KCNH5: variants seen among roughly 807,000 people sequenced by gnomAD.
KCNH5 encodes the protein voltage-gated delayed rectifier potassium channel KCNH5.
KCNH5 carries 46 observed loss-of-function variants against 96.1 expected under a neutral mutation model. That is an observed-to-expected ratio of 0.48 (90% confidence interval 0.38 to 0.61). The LOEUF is 0.61. Among genes scored for constraint, KCNH5 ranks in the 20% least tolerant of loss-of-function variants. The probability of loss-of-function intolerance (pLI) is 0.00; values close to 1 mark genes in which losing one functional copy is unlikely to be tolerated. For synonymous variants in KCNH5, 439 were observed against 449.8 expected (o/e 0.98, Z 0.30); for missense variants, 907 against 1,225.8 (o/e 0.74, Z 3.88).
rs1213484157 is a variant in KCNH5, at chr14:62,799,726, T to TATATATACAC, written c.1822+2602_1822+2603insGTGTATATAT. Among the ~76,000 whole-genome samples, 360 of 68,572 alleles carry TATATATACAC rather than the reference T, an allele frequency of 5.2e-3. 2 individuals are homozygous for TATATATACAC. Among genetic ancestry groups the TATATATACAC allele is most frequent in the East Asian group, 0.018 (43 of 2,388 alleles). The allele number at this position is 68,572 out of a possible 152,430, so 45.0% of individuals were successfully genotyped here. A position where few individuals can be genotyped will look rare whatever the true frequency, so the allele number is the denominator to read the frequency against. Reference sequence around the variant, plus strand: ...ATATATATATATATATATATATATATACACACACACACACACACATATCAG... The same window carrying TATATATACAC: ...ATATATATATATATATATATATATATATATATACACACACACACACACACACACATATCAG... On this transcript the variant is annotated intron_variant, in intron 9 of 10. Transcript: ENST00000322893.
chr14:62,731,118 T>A (rs752323931), intron 10 of KCNH5, among the ~76,000 whole-genome samples: 1 of 151,954 alleles, frequency 6.6e-6, no homozygotes, highest in Non-Finnish European at 1.5e-5. Context: ...CTGGCCAATA[T>A]GGTGAAACCC....
intron 7 of KCNH5, among the ~76,000 whole-genome samples, chr14:62,880,451 C>T (rs1420512647): frequency 6.6e-6 from 1 of 151,972 alleles, no homozygotes; most frequent in Non-Finnish European, 1.5e-5. Flanking sequence ...GAGTAAAAAC[C>T]AGGAATTGAT....
intron 6 of KCNH5, among the ~76,000 whole-genome samples, chr14:62,956,115 C>A (rs1890098998): frequency 1.3e-5 from 2 of 152,162 alleles, no homozygotes; most frequent in African/African-American, 2.4e-5. Context: ...CTTGAACAGG[C>A]CTCCAATGCC....
At chr14:62,964,488 C>T (rs773288430) in intron 6 of KCNH5, among the ~76,000 whole-genome samples, 5 of 152,096 alleles carry the variant, frequency 3.3e-5, no homozygotes, top group African/African-American at 4.8e-5. Context: ...CACACACACA[C>T]ACACAATTTA....
chr14:63,022,872 C>T (rs572217467), intron 1 of KCNH5, among the ~76,000 whole-genome samples: 20 of 152,164 alleles, frequency 1.3e-4, no homozygotes, highest in African/African-American at 4.3e-4. Context: ...CACAGCCATT[C>T]ACAAGTGCAG....
intron 10 of KCNH5, among the ~76,000 whole-genome samples, chr14:62,710,455 A>C (rs1209594930): frequency 2.0e-5 from 3 of 152,236 alleles, no homozygotes; most frequent in Admixed American, 6.5e-5. Context: ...GGTTGTACTA[A>C]GTCTTCAAGA....
intron 8 of KCNH5, among the ~76,000 whole-genome samples, chr14:62,828,573 A>C (rs1354799967): frequency 6.6e-6 from 1 of 152,142 alleles, no homozygotes; most frequent in East Asian, 1.9e-4. Context: ...ACTGCCAAAC[A>C]CTTTTAAACC....
rs1204494580 is a variant in KCNH5, at chr14:62,779,861, T to A, written c.1886A>T (p.Asn629Ile). ...GTCACAGTACGTCAGTGCCCGGACG[T>A]TCGCACATGCATGGGCAAGGGTGGT... ...KETTLAHACANVRALTYCDLH... is the reference protein window; with the variant it reads ...KETTLAHACAIVRALTYCDLH... Residue 629 changes from asparagine to isoleucine, a missense_variant, in exon 10 of 11, where the codon AAC (asparagine) becomes ATC (isoleucine). Physicochemically the swap from Asn to Ile is moderately radical, Grantham distance 149. Coordinates refer to ENST00000322893, the MANE Select transcript of KCNH5 (RefSeq NM_139318.5). 2 of 1,613,420 alleles carry A rather than the reference T, an allele frequency of 1.2e-6. No individual in the cohort carries two copies. Among genetic ancestry groups the A allele is most frequent in the African/African-American group, 2.7e-5 (2 of 74,810 alleles).
chr14:62,817,687 GGAATATATTCTATATAATAATATATATTC>G, intron 8 of KCNH5, among the ~76,000 whole-genome samples: 1 of 146,440 alleles, frequency 6.8e-6, no homozygotes, highest in African/African-American at 2.5e-5. Context: ...GAAAATTCTA[GGAATATATTCTATATAATAATATATATTC>G]TAGGAATATA....
At chr14:62,893,908 T>C (rs1387690707) in intron 7 of KCNH5, among the ~76,000 whole-genome samples, 1 of 152,230 alleles carries the variant, frequency 6.6e-6, no homozygotes, top group Non-Finnish European at 1.5e-5. Context: ...CGTTTTATTT[T>C]ATTTTAAGAA....
At chr14:62,958,661 C>T (rs928457303) in intron 6 of KCNH5, among the ~76,000 whole-genome samples, 2 of 152,140 alleles carry the variant, frequency 1.3e-5, no homozygotes, top group African/African-American at 4.8e-5. Context: ...ATTTCAATAA[C>T]ATCAACACCC....
intron 6 of KCNH5, among the ~76,000 whole-genome samples, chr14:62,979,031 G>A (rs1890556302): frequency 6.6e-6 from 1 of 151,982 alleles, no homozygotes; most frequent in Non-Finnish European, 1.5e-5. Context: ...CTGAAGTTTT[G>A]TATTCTTCCA....
intron 10 of KCNH5, among the ~76,000 whole-genome samples, chr14:62,731,773 A>C (rs1365622520): frequency 6.6e-6 from 1 of 152,206 alleles, no homozygotes; most frequent in Non-Finnish European, 1.5e-5. Flanking sequence ...AAATGATCTC[A>C]GCTGTTTAAA....
At chr14:62,872,298 T>C (rs1888273054) in intron 7 of KCNH5, among the ~76,000 whole-genome samples, 1 of 152,226 alleles carries the variant, frequency 6.6e-6, no homozygotes. Context: ...TGATACCTAA[T>C]TCAACATTTT....
intron 7 of KCNH5, among the ~76,000 whole-genome samples, chr14:62,855,768 A>G (rs1218761595): frequency 6.6e-6 from 1 of 152,242 alleles, no homozygotes; most frequent in African/African-American, 2.4e-5. Flanking sequence ...ACATGAAAGA[A>G]TACACAATGT....
chr14:62,943,558 A>C (rs1227210487), intron 7 of KCNH5, among the ~76,000 whole-genome samples: 2 of 152,212 alleles, frequency 1.3e-5, no homozygotes, highest in Admixed American at 6.6e-5. Context: ...GATTACTTAC[A>C]TCTTGATCTA....
intron 1 of KCNH5, among the ~76,000 whole-genome samples, chr14:63,028,916 C>T (rs5010674): frequency 0.24 from 36,082 of 151,928 alleles, 5,494 homozygotes; most frequent in East Asian, 0.51. Flanking sequence ...ACTCAAAGAG[C>T]GTTTTTCAAA....
chr14:62,765,367 T>A (rs1454112412), intron 10 of KCNH5, among the ~76,000 whole-genome samples: 1 of 152,108 alleles, frequency 6.6e-6, no homozygotes, highest in African/African-American at 2.4e-5. Flanking sequence ...TGTGCAAAAA[T>A]CAACTCAGGC....
chr14:62,776,856 C>A (rs1886108150), intron 10 of KCNH5, among the ~76,000 whole-genome samples: 1 of 152,128 alleles, frequency 6.6e-6, no homozygotes, highest in East Asian at 1.9e-4. Flanking sequence ...GCTCACTTTC[C>A]TCCTTATTGC....
Sources: gnomAD v4.1 joint callset for allele counts (sites outside exome capture counted in the v4.1 genomes callset) on GRCh38, gnomAD v4.1.1 for gene constraint, MANE v1.5 for transcripts, NCBI Gene and HGNC (gene_info 2026-07-23, HGNC 2026-07-21) for gene names.